The following PDE11A variants were observed in gnomAD, a reference collection of about 807,000 sequenced individuals.
The protein encoded by PDE11A is phosphodiesterase 11A.
In PDE11A, 100 loss-of-function variants were observed where a neutral mutation model predicts 100.5. That is an observed-to-expected ratio of 1.00 (90% CI 0.85 to 1.18). The LOEUF (loss-of-function observed/expected upper bound fraction) is 1.18, where lower values mean the gene tolerates loss of function less well. PDE11A is among the 50% of genes most tolerant of loss of function. The pLI is 0.00. For synonymous variants in PDE11A, 381 were observed against 420.8 expected (o/e 0.91, Z 1.16); for missense variants, 1,141 against 1,152.6 (o/e 0.99, Z 0.15).
At chr2:177,830,284 A>G (rs1203184688) in intron 6 of PDE11A, among the ~76,000 whole-genome samples, 1 of 152,196 alleles carries the variant, frequency 6.6e-6, no homozygotes, top group Non-Finnish European at 1.5e-5. Flanking sequence ...CTTCTGACCC[A>G]CAGAAACTGT....
chr2:177,797,305 G>C (rs57890101), intron 9 of PDE11A: 1 of 152,144 alleles, frequency 6.6e-6, no homozygotes, highest in Admixed American at 6.5e-5. Context: ...ATCTGAGCTT[G>C]AATCCTGGCT....
chr2:177,877,365 A>G (rs78468438), intron 4 of PDE11A, among the ~76,000 whole-genome samples: 1 of 123,256 alleles, frequency 8.1e-6, no homozygotes, highest in South Asian at 2.5e-4. Context: ...GGGTTTCACC[A>G]TGTTGACCAG....
At chr2:177,663,030 G>A (rs967511150) in intron 19 of PDE11A, among the ~76,000 whole-genome samples, 10 of 152,188 alleles carry the variant, frequency 6.6e-5, no homozygotes, top group African/African-American at 2.4e-4. Flanking sequence ...TTGAAGTTAG[G>A]AAAGCAGCTC....
chr2:178,055,325 C>A (rs989182936), intron 1 of PDE11A, among the ~76,000 whole-genome samples: 1 of 117,908 alleles, frequency 8.5e-6, no homozygotes, highest in East Asian at 2.9e-4. Flanking sequence ...GGGTGGGGAA[C>A]ATCACACACC....
chr2:178,013,928 T>C (rs921555458), intron 2 of PDE11A, among the ~76,000 whole-genome samples: 1 of 152,168 alleles, frequency 6.6e-6, no homozygotes, highest in Non-Finnish European at 1.5e-5. Context: ...TATAAAAATA[T>C]AGGAGAAAGT....
At chr2:177,716,507 C>G (rs1015576342) in intron 12 of PDE11A, among the ~76,000 whole-genome samples, 1 of 152,140 alleles carries the variant, frequency 6.6e-6, no homozygotes, top group Non-Finnish European at 1.5e-5. Context: ...GATTTGTGTA[C>G]ATTTCTTTCT....
intron 1 of PDE11A, among the ~76,000 whole-genome samples, chr2:178,044,780 A>C (rs983835170): frequency 1.3e-5 from 2 of 152,248 alleles, no homozygotes; most frequent in African/African-American, 4.8e-5. Flanking sequence ...ATATCACCAC[A>C]TTCAGAATAC....
chr2:178,049,460 G>C (rs2086793793), intron 1 of PDE11A, among the ~76,000 whole-genome samples: 1 of 152,158 alleles, frequency 6.6e-6, no homozygotes, highest in Non-Finnish European at 1.5e-5. Context: ...ATTTCCAACT[G>C]AGGTACCGGG....
chr2:177,707,671 C>A (rs1051743607), intron 13 of PDE11A, among the ~76,000 whole-genome samples: 1 of 152,172 alleles, frequency 6.6e-6, no homozygotes, highest in Non-Finnish European at 1.5e-5. Context: ...TGGATCCCTG[C>A]AGCTAACTGT....
chr2:178,075,340 G>A (rs1322760737), upstream of PDE11A, among the ~76,000 whole-genome samples: 3 of 151,962 alleles, frequency 2.0e-5, no homozygotes, highest in Non-Finnish European at 4.4e-5. Flanking sequence ...ATCACTTGGG[G>A]TCAAGAATCG....
chr2:178,078,562 C>T (rs2087244237), intron 2 of PDE11A, among the ~76,000 whole-genome samples: 1 of 151,980 alleles, frequency 6.6e-6, no homozygotes, highest in Non-Finnish European at 1.5e-5. Flanking sequence ...CATAAAGTTA[C>T]AGAAAAATGA....
At chr2:177,729,563 G>A (rs1165238039) in intron 10 of PDE11A, among the ~76,000 whole-genome samples, 2 of 152,124 alleles carry the variant, frequency 1.3e-5, no homozygotes, top group East Asian at 3.8e-4. Context: ...AGTCTGAAAT[G>A]TTTTTGTATT....
In PDE11A at chr2:177,638,160, C is replaced by T. The variant is rs372184964; in HGVS notation, c.2647-8598G>A. Among the ~76,000 whole-genome samples the T allele has an allele frequency of 1.8e-4, 27 of 151,694 alleles. No individual in the cohort carries two copies. The South Asian group carries it at 5.2e-3, about 29-fold the overall frequency. ...AACTACAGGTGCCCGCCACCGTGCC[C>T]GGCTAATTTTTTGTGTTTTTAGTAG... is the stretch of plus-strand genomic sequence containing the variant. On this transcript the variant is annotated intron_variant, in intron 19 of 19. Transcript: ENST00000286063.
At chr2:177,968,438 G>A (rs2085726215) in intron 2 of PDE11A, among the ~76,000 whole-genome samples, 1 of 152,120 alleles carries the variant, frequency 6.6e-6, no homozygotes, top group African/African-American at 2.4e-5. Context: ...GGTAGAAATT[G>A]TTTTTTCTAT....
At chr2:177,675,433 C>G (rs768222906) in intron 17 of PDE11A, 22 bp downstream of exon 17, 1 of 1,587,790 alleles carries the variant, frequency 6.3e-7, no homozygotes, top group East Asian at 2.2e-5. Flanking sequence ...TCTGCTGAGC[C>G]CTGCCATTAA....
intron 9 of PDE11A, among the ~76,000 whole-genome samples, chr2:177,797,773 C>T (rs185130569): frequency 2.6e-5 from 4 of 152,096 alleles, no homozygotes; most frequent in Admixed American, 2.0e-4. Context: ...TGGAAAACCA[C>T]AAAAATCATT....
intron 2 of PDE11A, among the ~76,000 whole-genome samples, chr2:177,984,082 T>G (rs115574812): frequency 0.01 from 1,544 of 152,306 alleles, 33 homozygotes; most frequent in African/African-American, 0.036. Flanking sequence ...ACCAAAACGA[T>G]TATCTCTTGC....
chr2:178,075,501 G>A (rs928382263), upstream of PDE11A, among the ~76,000 whole-genome samples: 5 of 136,334 alleles, frequency 3.7e-5, no homozygotes, highest in Non-Finnish European at 7.6e-5. Flanking sequence ...GCAGTGAGCT[G>A]AGATCGCACC....
At chr2:177,660,902 T>G (rs1527407) in intron 19 of PDE11A, among the ~76,000 whole-genome samples, 106,427 of 152,136 alleles carry the variant, frequency 0.7, 37,950 homozygotes, top group Admixed American at 0.79. Flanking sequence ...CATATGCATA[T>G]GTACTGCCCA....
Sources: allele counts gnomAD v4.1 joint callset (sites outside exome capture counted in the v4.1 genomes callset), GRCh38; gene constraint gnomAD v4.1.1; transcripts MANE v1.5; gene names NCBI Gene and HGNC (gene_info 2026-07-23, HGNC 2026-07-21).